VPS13D: variants seen among roughly 807,000 people sequenced by gnomAD.
The protein encoded by VPS13D is vacuolar protein sorting 13 homolog D.
In VPS13D, 187 loss-of-function variants were observed where a neutral mutation model predicts 461.9. That is an observed-to-expected ratio of 0.40 (90% CI 0.36 to 0.46). The LOEUF is 0.46. Ranked by LOEUF, VPS13D falls within the 20% of genes least tolerant of loss-of-function variation. VPS13D has a pLI of 0.60. For missense variants in VPS13D, 4,711 were observed against 5,364.9 expected (o/e 0.88, Z 3.81); for synonymous variants, 1,951 against 1,986.3 (o/e 0.98, Z 0.47).
At chr1:12,484,870 A>G (rs189152212) in intron 67 of VPS13D, among the ~76,000 whole-genome samples, 46 of 152,292 alleles carry the variant, frequency 3.0e-4, no homozygotes, top group Middle Eastern at 6.8e-3. Context: ...TAATCATTCA[A>G]GGACTCAGTG....
At chr1:12,432,380 G>A (rs1645002979) in intron 65 of VPS13D, among the ~76,000 whole-genome samples, 1 of 146,664 alleles carries the variant, frequency 6.8e-6, no homozygotes. Flanking sequence ...GGCAACAAGA[G>A]CAAAACTCCG....
chr1:12,275,180 C>T (rs540773363), intron 18 of VPS13D, among the ~76,000 whole-genome samples: 44 of 152,132 alleles, frequency 2.9e-4, no homozygotes, highest in African/African-American at 1.1e-3. Flanking sequence ...GATCATGCCA[C>T]TGCACTCCAG....
intron 65 of VPS13D, among the ~76,000 whole-genome samples, chr1:12,427,485 GA>G (rs371345972): frequency 7.7e-5 from 11 of 143,404 alleles, no homozygotes; most frequent in South Asian, 6.6e-4. Flanking sequence ...GATCAAAACC[GA>G]AAAAAAAAAG....
At chr1:12,433,306 CA>C (rs1645017351) in intron 65 of VPS13D, among the ~76,000 whole-genome samples, 1 of 151,918 alleles carries the variant, frequency 6.6e-6, no homozygotes, top group African/African-American at 2.4e-5. Flanking sequence ...AACAGTAGAC[CA>C]AATGGTGACT....
rs978707470 is a variant in VPS13D, at chr1:12,386,440, T to C, written c.11634+106T>C. The C allele has an allele frequency of 4.6e-6, 6 of 1,292,946 alleles. No individual in the cohort carries two copies. The South Asian group carries it at 6.9e-5, about 15-fold the overall frequency. The allele number at this position is 1,292,946 out of a possible 1,614,324, so 80.1% of individuals were successfully genotyped here. On this transcript the variant is annotated intron_variant, in intron 60 of 69. Transcript: ENST00000620676. ...GAACTTTAATGTTTTGGAGGAAATATCTTGTGGCCTTCAAAAAATCATTCT... is the reference window on the plus strand; with the variant it reads ...GAACTTTAATGTTTTGGAGGAAATACCTTGTGGCCTTCAAAAAATCATTCT...
At chr1:12,385,603 A>G (rs1162873530) in intron 59 of VPS13D, among the ~76,000 whole-genome samples, 1 of 152,264 alleles carries the variant, frequency 6.6e-6, no homozygotes. Flanking sequence ...TTATTACAAT[A>G]AAGGAAGCTA....
chr1:12,419,500 T>G (rs757218618), intron 65 of VPS13D, among the ~76,000 whole-genome samples: 9 of 152,200 alleles, frequency 5.9e-5, no homozygotes, highest in Non-Finnish European at 8.8e-5. Flanking sequence ...CAGCATCTGC[T>G]TCTGGCGAAG....
At chr1:12,359,637 C>T (rs1423920475) in intron 50 of VPS13D, among the ~76,000 whole-genome samples, 1 of 152,244 alleles carries the variant, frequency 6.6e-6, no homozygotes, top group South Asian at 2.1e-4. Flanking sequence ...TATCCTGAGT[C>T]CCATGGAGAA....
At chr1:12,267,128 G>A (rs1641295856) in intron 14 of VPS13D, 117 bp downstream of exon 14, 2 of 1,174,762 alleles carry the variant, frequency 1.7e-6, no homozygotes, top group East Asian at 5.5e-5. Context: ...TGATGGGCTG[G>A]GATTAGAAAA....
intron 40 of VPS13D, among the ~76,000 whole-genome samples, chr1:12,341,107 G>T (rs993046527): frequency 1.2e-4 from 18 of 152,162 alleles, no homozygotes; most frequent in Non-Finnish European, 2.4e-4. Context: ...CACATTCCCT[G>T]ATTAGAAGCT....
chr1:12,273,099 G>C lies in VPS13D; in HGVS notation c.2200G>C (p.Val734Leu). Residue 734 changes from valine (V) to leucine (L), a missense_variant, in exon 18 of 70, where the codon GTG (valine) becomes CTG (leucine). Around this residue, in one of 3 missense-constraint regions of VPS13D, gnomAD observed 4,411 missense variants for 4,937.8 expected, o/e 0.89. Transcript: ENST00000620676. The stretch of plus-strand genomic sequence containing the variant: ...ATTCAAGAATCCTGTGTTAGTTGTC[G>C]TGGATCTAGGAAGAATGCTTTTGAC... Reference protein sequence around the residue: ...FKFKNPVLVVVDLGRMLLTNT... With the variant: ...FKFKNPVLVVLDLGRMLLTNT... The C allele has an allele frequency of 1.2e-6, 2 of 1,614,090 alleles. No individual in the cohort carries two copies. The highest frequency in any genetic ancestry group is 1.7e-6 in the Non-Finnish European group (2 of 1,179,976).
intron 67 of VPS13D, among the ~76,000 whole-genome samples, chr1:12,460,949 C>A (rs972422051): frequency 3.3e-5 from 5 of 152,166 alleles, no homozygotes; most frequent in Admixed American, 2.6e-4. Context: ...CCCCATCCCC[C>A]CAGCAGGTCA....
intron 6 of VPS13D, among the ~76,000 whole-genome samples, chr1:12,250,314 G>A (rs532678923): frequency 6.6e-6 from 1 of 152,238 alleles, no homozygotes; most frequent in East Asian, 1.9e-4. Context: ...GCCCCATCTT[G>A]AGCCTGTCTA....
intron 67 of VPS13D, among the ~76,000 whole-genome samples, chr1:12,474,997 T>C (rs1241884575): frequency 6.6e-6 from 1 of 152,206 alleles, no homozygotes; most frequent in Non-Finnish European, 1.5e-5. Context: ...TTTTATTCTT[T>C]TTCCCAAAGG....
chr1:12,391,883 A>G (rs1644431240), intron 60 of VPS13D, among the ~76,000 whole-genome samples: 1 of 151,974 alleles, frequency 6.6e-6, no homozygotes, highest in Non-Finnish European at 1.5e-5. Context: ...TTTTTGAGAC[A>G]AGAATCTTGC....
chr1:12,506,218 G>C (rs77082580), intron 68 of VPS13D, among the ~76,000 whole-genome samples: 3,800 of 152,314 alleles, frequency 0.025, 128 homozygotes, highest in Admixed American at 0.1. Flanking sequence ...CTTTGAATGT[G>C]TGAGCTCCAT....
At position 12,283,479 on chromosome 1, in the gene VPS13D, GATAAGAA is replaced by G; in HGVS notation, c.5379_5385del (p.Lys1794IlefsTer25). On this transcript the variant is annotated frameshift_variant, in exon 21 of 70. Transcript: ENST00000620676. LOFTEE classifies it high-confidence loss of function. ...AGTCCACATCAACATATTCTTGGTAGATAAGAAACATCCAGAATTCTCTTCCAGTTAC... is the reference window on the plus strand; with the variant it reads ...AGTCCACATCAACATATTCTTGGTAGACATCCAGAATTCTCTTCCAGTTAC... 7 of 1,614,256 alleles carry G rather than the reference GATAAGAA, an allele frequency of 4.3e-6. No individual in the cohort carries two copies. Among genetic ancestry groups the G allele is most frequent in the Non-Finnish European group, 5.9e-6 (7 of 1,180,046 alleles).
intron 23 of VPS13D, among the ~76,000 whole-genome samples, chr1:12,292,024 T>A (rs1018790425): frequency 3.9e-5 from 6 of 152,118 alleles, no homozygotes; most frequent in Non-Finnish European, 5.9e-5. Context: ...TCTGGGAGGC[T>A]GAGGGAGGCA....
Position 12,345,524 on chromosome 1 carries a change from G to A in VPS13D, c.9021+15G>A. The A allele has an allele frequency of 3.1e-6, 5 of 1,601,452 alleles. No homozygotes were observed. The highest frequency in any genetic ancestry group is 3.4e-6 in the Non-Finnish European group (4 of 1,169,496). On this transcript the variant is annotated intron_variant, in intron 43 of 69. Transcript: ENST00000620676. ...CTTCCTCTACGGTGTGTGACATTCAGGAAGTCAGATGGTTAAGCGACTGTC... is the reference window on the plus strand; with the variant it reads ...CTTCCTCTACGGTGTGTGACATTCAAGAAGTCAGATGGTTAAGCGACTGTC...
Sources: allele counts gnomAD v4.1 joint callset (sites outside exome capture counted in the v4.1 genomes callset), GRCh38; gene constraint gnomAD v4.1.1; regional missense constraint gnomAD v4.1.1; transcripts MANE v1.5; gene names NCBI Gene and HGNC (gene_info 2026-07-23, HGNC 2026-07-21).